The following RELN variants were observed in gnomAD, a reference collection of about 807,000 sequenced individuals.
RELN encodes the protein reelin.
A neutral mutation model predicts 427.6 loss-of-function variants in RELN; 108 were observed. The observed-to-expected ratio is 0.25, with a 90% CI of 0.22 to 0.30. The LOEUF (loss-of-function observed/expected upper bound fraction) is 0.30. Ranked by LOEUF, RELN falls within the 10% of genes least tolerant of loss-of-function variation. The probability of loss-of-function intolerance (pLI) is 1.00; values close to 1 mark genes in which losing one functional copy is unlikely to be tolerated. For synonymous variants in RELN, 1,524 were observed against 1,513.4 expected (o/e 1.01, Z -0.16); for missense variants, 3,715 against 4,302.8 (o/e 0.86, Z 3.82).
chr7:103,905,868 G>A (rs1271322915), intron 2 of RELN, among the ~76,000 whole-genome samples: 2 of 152,132 alleles, frequency 1.3e-5, no homozygotes, highest in African/African-American at 2.4e-5. Context: ...CGGAGGTAGC[G>A]GGAAGGGAGG....
intron 6 of RELN, among the ~76,000 whole-genome samples, chr7:103,742,697 G>A (rs112814622): frequency 0.021 from 3,186 of 152,290 alleles, 113 homozygotes; most frequent in African/African-American, 0.072. Flanking sequence ...GAAATGAAGC[G>A]AGAAGAGAAG....
In RELN at chr7:103,604,388, T is replaced by A; in HGVS notation, c.3104A>T (p.Asn1035Ile). The A allele has an allele frequency of 6.2e-7, 1 of 1,613,964 alleles. No individual in the cohort carries two copies. Among genetic ancestry groups the A allele is most frequent in the African/African-American group, 1.3e-5 (1 of 75,054 alleles). ...DSIYIGQQCP[N>I]MCSGHGSCDH... Reference sequence around the variant, plus strand: ...GCATGAGCCATGCCCACTGCACATGTTGGGGCACTGCTGCCCAATGTAAAT... The same window carrying A: ...GCATGAGCCATGCCCACTGCACATGATGGGGCACTGCTGCCCAATGTAAAT... The change falls in exon 23 of 65, where the codon AAC becomes ATC. Residue 1035 changes from asparagine (N) to isoleucine (I), a missense_variant. Asn to Ile is a moderately radical substitution (Grantham distance 149). Coordinates refer to ENST00000428762, the MANE Select transcript of RELN (RefSeq NM_005045.4).
At chr7:103,661,203 G>A (rs1273144491) in intron 12 of RELN, among the ~76,000 whole-genome samples, 173 bp downstream of exon 12, 1 of 152,130 alleles carries the variant, frequency 6.6e-6, no homozygotes, top group African/African-American at 2.4e-5. Flanking sequence ...TGGCTCCAGC[G>A]GGGCTGGCCT....
rs1346730578 is a variant in RELN at position 103,909,740 on chromosome 7, TATAAA to T, written c.337+7330_337+7334del. Among the ~76,000 whole-genome samples the T allele has an allele frequency of 2.5e-3, 77 of 30,296 alleles. 5 individuals are homozygous for T. The highest frequency in any genetic ancestry group is 9.8e-3 in the African/African-American group (74 of 7,548). 19.9% of individuals were successfully genotyped at this position (30,296 alleles called of 152,430 possible). ...TATATTAAATATATTTTTTAATATA[TATAAA>T]TATATATATTAAATATATATATTTA... On this transcript the variant is annotated intron_variant, in intron 2 of 64. Coordinates refer to ENST00000428762, the MANE Select transcript of RELN (RefSeq NM_005045.4).
intron 10 of RELN, among the ~76,000 whole-genome samples, chr7:103,685,894 T>G (rs530903222): frequency 6.6e-6 from 1 of 152,268 alleles, no homozygotes. Flanking sequence ...TAACAAGTCC[T>G]TGGCCACAAC....
chr7:103,555,703 C>T (rs1327741573), intron 38 of RELN, among the ~76,000 whole-genome samples: 1 of 152,206 alleles, frequency 6.6e-6, no homozygotes, highest in South Asian at 2.1e-4. Context: ...GAACTCCTGA[C>T]CTCAGGTGAT....
chr7:103,946,276 A>C (rs575763935), intron 1 of RELN, among the ~76,000 whole-genome samples: 6 of 152,218 alleles, frequency 3.9e-5, no homozygotes, highest in Non-Finnish European at 7.3e-5. Flanking sequence ...CACTTATTAA[A>C]ACTATGCAAA....
rs188071657 is a variant in RELN at position 103,512,899 on chromosome 7, C to G, written c.8120-1894G>C. ...GCCTCAGAGGATCCAGAGAAAAGAC[C>G]AGATAACTATAATTCAGCCTTCACC... On this transcript the variant is annotated intron_variant, in intron 50 of 64. Transcript: ENST00000428762. The G allele has an allele frequency of 6.6e-4, 101 of 152,256 alleles. 1 individual carries two copies. The highest frequency in any genetic ancestry group is 2.4e-3 in the African/African-American group (100 of 41,540). The allele number at this position is 152,256 out of a possible 1,614,324, so 9.4% of individuals were successfully genotyped here. A position where few individuals can be genotyped will look rare whatever the true frequency, so the allele number is the denominator to read the frequency against.
chr7:103,756,560 A>ACTTAT (rs1158467317), intron 4 of RELN, among the ~76,000 whole-genome samples: 3 of 152,214 alleles, frequency 2.0e-5, no homozygotes, highest in Admixed American at 6.6e-5. Context: ...GCTACTCCTT[A>ACTTAT]GTTGTAATAT....
At chr7:103,746,616 C>T (rs990428463) in intron 6 of RELN, among the ~76,000 whole-genome samples, 1 of 152,108 alleles carries the variant, frequency 6.6e-6, no homozygotes, top group Non-Finnish European at 1.5e-5. Context: ...TATGAACAGA[C>T]ACTTCTCAAA....
intron 31 of RELN, among the ~76,000 whole-genome samples, chr7:103,568,935 T>G (rs993129141): frequency 3.3e-5 from 5 of 152,188 alleles, no homozygotes; most frequent in African/African-American, 9.7e-5. Context: ...GGAACAGGTT[T>G]TATAACCTGT....
At chr7:103,847,760 TTATATC>T (rs1367479211) in intron 2 of RELN, among the ~76,000 whole-genome samples, 1 of 152,116 alleles carries the variant, frequency 6.6e-6, no homozygotes, top group Non-Finnish European at 1.5e-5. Flanking sequence ...TGGCTTGTAT[TTATATC>T]TCTAAAGCCT....
chr7:103,515,275 C>T lies in RELN; in HGVS notation c.8029G>A (p.Ala2677Thr), dbSNP rs747571208. 15 of 1,614,042 alleles carry T rather than the reference C, an allele frequency of 9.3e-6. No homozygotes were observed. The highest frequency in any genetic ancestry group is 3.3e-5 in the Admixed American group (2 of 60,002). The change falls in exon 50 of 65, where the codon GCC becomes ACC. Residue 2677 changes from alanine (A) to threonine (T), a missense_variant. By Grantham distance (58) the Ala-to-Thr change is moderately conservative. Coordinates refer to ENST00000428762, the MANE Select transcript of RELN (RefSeq NM_005045.4). ...RTVMLDTFSS[A>T]PVPQHERSPA... ...GAGCGCTCATGCTGGGGTACTGGGG[C>T]GCTGCTGAAGGTGTCCAGCATAACG...
intron 11 of RELN, among the ~76,000 whole-genome samples, chr7:103,664,623 C>T (rs568529739): frequency 6.6e-6 from 1 of 152,254 alleles, no homozygotes; most frequent in African/African-American, 2.4e-5. Flanking sequence ...GTTCCTGTTT[C>T]CCCACAAGCT....
At chr7:103,740,691 A>T (rs79674927) in intron 6 of RELN, among the ~76,000 whole-genome samples, 2,649 of 152,306 alleles carry the variant, frequency 0.017, 70 homozygotes, top group African/African-American at 0.061. Flanking sequence ...TAGAATTAAA[A>T]GTTGAATTCA....
chr7:103,989,537 G>C lies in RELN; in HGVS notation c.-181C>G, dbSNP rs1797182698. On this transcript the variant is annotated 5_prime_UTR_variant, in exon 1 of 65. Transcript: ENST00000428762. The surrounding 1 kb of genome is among the most constrained non-coding windows in gnomAD (Gnocchi z 4.9). ...CCGAGAAGTTCCGCGGGAGACGGCGGCTCCCAAAGTTACTTTGGGCCGCGG... is the reference window on the plus strand; with the variant it reads ...CCGAGAAGTTCCGCGGGAGACGGCGCCTCCCAAAGTTACTTTGGGCCGCGG... The C allele has an allele frequency of 2.0e-6, 1 of 498,900 alleles. No individual in the cohort carries two copies. Among genetic ancestry groups the C allele is most frequent in the East Asian group, 3.9e-5 (1 of 25,880 alleles). The allele number at this position is 498,900 out of a possible 1,614,324, so 30.9% of individuals were successfully genotyped here.
intron 60 of RELN, 74 bp downstream of exon 60, chr7:103,489,668 A>G (rs556851261): frequency 1.3e-6 from 2 of 1,536,326 alleles, no homozygotes; most frequent in South Asian, 1.2e-5. Context: ...TTCCTAGTGG[A>G]CTTTTGTATA....
intron 2 of RELN, among the ~76,000 whole-genome samples, chr7:103,868,461 T>C (rs2299388): frequency 0.14 from 21,811 of 152,074 alleles, 1,878 homozygotes; most frequent in East Asian, 0.34. Context: ...CATGAAATTG[T>C]TTCCACATCA....
Position 103,566,731 on chromosome 7 carries a change from A to G in RELN, c.4617T>C (p.Asn1539=). 1.2e-6 allele frequency: 2 copies of G among 1,614,130 alleles called. No homozygotes were observed. Among genetic ancestry groups the G allele is most frequent in the Non-Finnish European group, 1.7e-6 (2 of 1,179,948 alleles). ...CTCGAAGCAAATGCCAGAGTATCCC[A>G]TTGTCATTTGAATACTGAACAATAA... ...EGLIVQYSND[N]GILWHLLREL... is the part of the protein sequence containing the mutation. Residue 1539 remains asparagine, a synonymous_variant, in exon 32 of 65, where the codon AAT becomes AAC. Coordinates refer to ENST00000428762, the MANE Select transcript of RELN (RefSeq NM_005045.4).
Sources: allele counts gnomAD v4.1 joint callset (sites outside exome capture counted in the v4.1 genomes callset), GRCh38; gene constraint gnomAD v4.1.1; non-coding constraint Gnocchi (gnomAD v3.1); transcripts MANE v1.5; gene names NCBI Gene and HGNC (gene_info 2026-07-23, HGNC 2026-07-21).